The following PALM2AKAP2 variants were observed in gnomAD, a reference collection of about 807,000 sequenced individuals.
PALM2AKAP2 encodes the protein PALM2 and AKAP2 fusion.
In PALM2AKAP2, 37 loss-of-function variants were observed where a neutral mutation model predicts 71.5. The ratio of observed to expected loss-of-function variants is 0.52; its 90% confidence interval spans 0.40 to 0.68. The LOEUF (loss-of-function observed/expected upper bound fraction) is 0.68, where lower values mean the gene tolerates loss of function less well. Among genes scored for constraint, PALM2AKAP2 ranks in the 30% least tolerant of loss-of-function variants. The pLI is 0.00. For missense variants in PALM2AKAP2, 1,224 were observed against 1,191.8 expected (o/e 1.03, Z -0.40); for synonymous variants, 468 against 478.8 (o/e 0.98, Z 0.29).
intron 1 of PALM2AKAP2, among the ~76,000 whole-genome samples, chr9:109,754,584 A>G (rs770820687): frequency 4.2e-4 from 64 of 152,244 alleles, no homozygotes; most frequent in Non-Finnish European, 7.5e-4. Flanking sequence ...ACAAATTGCT[A>G]TAGACTGAGA....
At chr9:109,769,913 G>A (rs1829230430) in intron 1 of PALM2AKAP2, among the ~76,000 whole-genome samples, 1 of 152,140 alleles carries the variant, frequency 6.6e-6, no homozygotes, top group Non-Finnish European at 1.5e-5. Flanking sequence ...TTCTCGGGGA[G>A]ATCGGGTGAA....
At chr9:110,035,887 T>C (rs1029632873) in intron 7 of PALM2AKAP2, among the ~76,000 whole-genome samples, 3 of 149,872 alleles carry the variant, frequency 2.0e-5, no homozygotes, top group Admixed American at 6.7e-5. Context: ...ATATGATATG[T>C]TGTGTGTTAT....
At chr9:109,844,497 T>G (rs1828796006) in intron 1 of PALM2AKAP2, among the ~76,000 whole-genome samples, 1 of 152,218 alleles carries the variant, frequency 6.6e-6, no homozygotes, top group African/African-American at 2.4e-5. Context: ...TTCTTAGTTT[T>G]GACAAATGCA....
At chr9:109,886,110 C>T (rs948533742) in intron 3 of PALM2AKAP2, among the ~76,000 whole-genome samples, 7 of 152,150 alleles carry the variant, frequency 4.6e-5, no homozygotes, top group Admixed American at 3.9e-4. Flanking sequence ...AATCTGTAGA[C>T]GTTTCCTTTT....
At chr9:109,816,003 C>CA (rs1827842305) in intron 1 of PALM2AKAP2, among the ~76,000 whole-genome samples, 2 of 152,130 alleles carry the variant, frequency 1.3e-5, no homozygotes, top group African/African-American at 4.8e-5. Context: ...TATGTACAAA[C>CA]AAAAAAGATA....
At chr9:110,102,081 A>C (rs1835013353) in intron 1 of PALM2AKAP2, among the ~76,000 whole-genome samples, 1 of 152,220 alleles carries the variant, frequency 6.6e-6, no homozygotes, top group Admixed American at 6.5e-5. Context: ...GAGGTCCAGC[A>C]GCTTGTCTTA....
chr9:110,000,843 C>G (rs999466213), intron 6 of PALM2AKAP2, among the ~76,000 whole-genome samples: 16 of 152,170 alleles, frequency 1.1e-4, no homozygotes, highest in South Asian at 4.1e-4. Flanking sequence ...ATCCTTCGCC[C>G]ACTTGTTGAT....
chr9:109,790,160 A>G (rs1827076744), intron 1 of PALM2AKAP2, among the ~76,000 whole-genome samples: 2 of 152,174 alleles, frequency 1.3e-5, no homozygotes, highest in African/African-American at 4.8e-5. Flanking sequence ...AGACGTCGGA[A>G]CACATCTTCC....
upstream of PALM2AKAP2, among the ~76,000 whole-genome samples, chr9:110,047,632 G>A (rs1486250289): frequency 6.6e-6 from 1 of 152,286 alleles, no homozygotes; most frequent in East Asian, 1.9e-4. Context: ...TGGGGAGAGA[G>A]AATTACTGGG....
chr9:109,810,781 G>A (rs1827706699), intron 1 of PALM2AKAP2, among the ~76,000 whole-genome samples: 2 of 152,128 alleles, frequency 1.3e-5, no homozygotes, highest in African/African-American at 4.8e-5. Flanking sequence ...AGAGAGATGA[G>A]ACAACTGCTA....
At chr9:109,774,565 T>C (rs1829322123) in intron 1 of PALM2AKAP2, among the ~76,000 whole-genome samples, 1 of 151,770 alleles carries the variant, frequency 6.6e-6, no homozygotes, top group Non-Finnish European at 1.5e-5. Context: ...TGTTTCTAGA[T>C]AATAAATGAC....
intron 1 of PALM2AKAP2, among the ~76,000 whole-genome samples, chr9:110,062,926 G>A (rs1318540211): frequency 6.6e-6 from 1 of 152,128 alleles, no homozygotes; most frequent in Admixed American, 6.5e-5. Context: ...TGCCCACAGG[G>A]AAATTCCTGG....
chr9:110,127,562 C>A (rs1835637357), intron 1 of PALM2AKAP2: 1 of 152,320 alleles, frequency 6.6e-6, no homozygotes, highest in Admixed American at 6.5e-5. Flanking sequence ...TCCTCCACTT[C>A]CCGCTTATAG....
At chr9:109,859,816 C>T (rs1252130641) in intron 1 of PALM2AKAP2, among the ~76,000 whole-genome samples, 1 of 152,248 alleles carries the variant, frequency 6.6e-6, no homozygotes, top group Non-Finnish European at 1.5e-5. Context: ...CTTACTTGTT[C>T]TTCTGACCAA....
intron 3 of PALM2AKAP2, among the ~76,000 whole-genome samples, chr9:109,912,541 T>A (rs1830592540): frequency 6.6e-6 from 1 of 152,160 alleles, no homozygotes; most frequent in Non-Finnish European, 1.5e-5. Context: ...ATTTGTGGAG[T>A]GCCATAGAAA....
Position 110,075,519 on chromosome 9 carries a change from G to A in PALM2AKAP2, c.156+26664G>A, listed in dbSNP as rs575671851. ...CCAAATCTTACCACTCAGAAATGAC[G>A]TGCCACTGGTAACATTTAGACTTAT... On this transcript the variant is annotated intron_variant, in intron 1 of 3. Transcript: ENST00000374525. Among the ~76,000 whole-genome samples, 30 of 152,082 alleles carry A rather than the reference G, an allele frequency of 2.0e-4. 1 individual carries two copies. The South Asian group carries it at 5.8e-3, about 29-fold the overall frequency.
chr9:109,947,310 G>T (rs1831531455), intron 6 of PALM2AKAP2, among the ~76,000 whole-genome samples: 2 of 152,140 alleles, frequency 1.3e-5, no homozygotes, highest in Admixed American at 6.5e-5. Context: ...TTTGGTTAAA[G>T]TCAAGTTTTT....
At chr9:109,710,586 G>T (rs750656062) in intron 1 of PALM2AKAP2, among the ~76,000 whole-genome samples, 1 of 152,208 alleles carries the variant, frequency 6.6e-6, no homozygotes, top group African/African-American at 2.4e-5. Flanking sequence ...AGTAGCACTT[G>T]TTGATCACCT....
At chr9:109,721,032 C>T (rs967235911) in intron 1 of PALM2AKAP2, among the ~76,000 whole-genome samples, 1 of 152,192 alleles carries the variant, frequency 6.6e-6, no homozygotes, top group African/African-American at 2.4e-5. Flanking sequence ...TTTTACCTCT[C>T]AAGAATCCTG....
Sources: gnomAD v4.1 joint callset for allele counts (sites outside exome capture counted in the v4.1 genomes callset) on GRCh38, gnomAD v4.1.1 for gene constraint, MANE v1.5 for transcripts, NCBI Gene and HGNC (gene_info 2026-07-23, HGNC 2026-07-21) for gene names.